RBM33: variants seen among roughly 807,000 people sequenced by gnomAD.
The protein encoded by RBM33 is RNA binding motif protein 33.
RBM33 carries 28 observed loss-of-function variants against 132.6 expected under a neutral mutation model. The ratio of observed to expected loss-of-function variants is 0.21; its 90% CI spans 0.16 to 0.29. The LOEUF (loss-of-function observed/expected upper bound fraction) is 0.29. Among genes scored for constraint, RBM33 ranks in the 10% least tolerant of loss-of-function variants. The pLI, the probability that RBM33 is intolerant of heterozygous loss-of-function variation, is 1.00. For missense variants in RBM33, 1,291 were observed against 1,518.5 expected (o/e 0.85, Z 2.49); for synonymous variants, 634 against 593.0 (o/e 1.07, Z -1.01).
intron 8 of RBM33, among the ~76,000 whole-genome samples, chr7:155,711,835 A>T (rs1207515348): frequency 2.0e-5 from 3 of 152,200 alleles, no homozygotes; most frequent in South Asian, 4.1e-4. Flanking sequence ...ACCCCATCCT[A>T]TGTTGAGGAG....
At position 155,780,838 on chromosome 7, in the gene RBM33, C is replaced by T. The variant is rs1283448453; in HGVS notation, c.*5797C>T. ...GGTCTTCACTCACGATTTATTCCTC[C>T]AGGTCTTTGATTGGAGAGAGTAACT... is the stretch of plus-strand genomic sequence containing the variant. On this transcript the variant is annotated 3_prime_UTR_variant, in exon 18 of 18. Transcript: ENST00000401878. 1 of 152,686 alleles carries T rather than the reference C, an allele frequency of 6.5e-6. No homozygotes were observed. The highest frequency in any genetic ancestry group is 1.5e-5 in the Non-Finnish European group (1 of 68,072). 9.5% of individuals were successfully genotyped at this position (152,686 alleles called of 1,614,324 possible).
At position 155,753,743 on chromosome 7, in the gene RBM33, C is replaced by G. The variant is rs143191037; in HGVS notation, c.2979+8141C>G. Among the ~76,000 whole-genome samples the G allele has an allele frequency of 4.3e-3, 658 of 152,274 alleles. 6 individuals carry two copies. Among genetic ancestry groups the G allele is most frequent in the African/African-American group, 0.015 (625 of 41,534 alleles). On this transcript the variant is annotated intron_variant, in intron 14 of 17. Transcript: ENST00000401878. ...GTGGGGGCCACGAGAGATGCACATT[C>G]AGGTGCTTGGGGCAGGGGAGGAGCG...
intron 1 of RBM33, among the ~76,000 whole-genome samples, chr7:155,650,187 C>G (rs1203348534): frequency 6.6e-6 from 1 of 152,160 alleles, no homozygotes; most frequent in Non-Finnish European, 1.5e-5. Flanking sequence ...CGCTCTAGCT[C>G]TGAGAGAGTT....
chr7:155,740,659 A>C (rs1801301595), intron 12 of RBM33, among the ~76,000 whole-genome samples: 1 of 152,254 alleles, frequency 6.6e-6, no homozygotes, highest in African/African-American at 2.4e-5. Flanking sequence ...TTGCTCTGAA[A>C]ATAAAAGGCC....
At chr7:155,720,462 C>T (rs578038706) in intron 9 of RBM33, among the ~76,000 whole-genome samples, 23 of 152,250 alleles carry the variant, frequency 1.5e-4, no homozygotes, top group Admixed American at 5.9e-4. Flanking sequence ...GGCTACCTCT[C>T]GTTGTTTTAC....
At chr7:155,753,777 C>T (rs1037852264) in intron 14 of RBM33, among the ~76,000 whole-genome samples, 5 of 152,162 alleles carry the variant, frequency 3.3e-5, no homozygotes, top group Admixed American at 6.5e-5. Context: ...CGTGGAGGCG[C>T]GGGGCAGGCA....
At chr7:155,731,403 A>G (rs1462240120) in intron 9 of RBM33, among the ~76,000 whole-genome samples, 1 of 152,232 alleles carries the variant, frequency 6.6e-6, no homozygotes, top group East Asian at 1.9e-4. Context: ...AGAGATGAAC[A>G]GCAATAGCTA....
intron 9 of RBM33, among the ~76,000 whole-genome samples, chr7:155,735,400 G>A (rs1801085215): frequency 6.6e-6 from 1 of 152,192 alleles, no homozygotes; most frequent in African/African-American, 2.4e-5. Context: ...GCAAAGTAAA[G>A]ATATTAAATA....
At chr7:155,701,763 C>G (rs1038382315) in intron 6 of RBM33, among the ~76,000 whole-genome samples, 2 of 152,170 alleles carry the variant, frequency 1.3e-5, no homozygotes, top group Non-Finnish European at 2.9e-5. Context: ...TCTTGGCTCA[C>G]AGCAACCACC....
chr7:155,690,355 A>G lies in RBM33; in HGVS notation c.567+9447A>G, dbSNP rs191869750. Among the ~76,000 whole-genome samples, 23 of 152,164 alleles carry G rather than the reference A, an allele frequency of 1.5e-4. 1 individual carries two copies. The highest frequency in any genetic ancestry group is 1.2e-3 in the Admixed American group (19 of 15,278). On this transcript the variant is annotated intron_variant, in intron 5 of 17. Transcript: ENST00000401878. ...TCCTCCATCCCTTTATTTTGAGCCTATATGTGTCTCTGCACGTGAGATGGG... is the reference window on the plus strand; with the variant it reads ...TCCTCCATCCCTTTATTTTGAGCCTGTATGTGTCTCTGCACGTGAGATGGG...
At chr7:155,658,985 C>T (rs971755748) in intron 1 of RBM33, among the ~76,000 whole-genome samples, 1 of 152,188 alleles carries the variant, frequency 6.6e-6, no homozygotes, top group Non-Finnish European at 1.5e-5. Context: ...TCTACCAGGT[C>T]GCTGGTTGAT....
At position 155,707,079 on chromosome 7, in the gene RBM33, AT is replaced by A; in HGVS notation, c.948+15del. On this transcript the variant is annotated intron_variant, in intron 7 of 17. Transcript: ENST00000401878. ...CAGCCTCCTGTCGTGGTAACTTCAG[AT>A]TTTCTTGTAGTAGCCCTAGAACTTC... 1.3e-6 allele frequency: 2 copies of A among 1,532,110 alleles called. No individual in the cohort carries two copies. Among genetic ancestry groups the A allele is most frequent in the South Asian group, 2.4e-5 (2 of 82,598 alleles). The allele number at this position is 1,532,110 out of a possible 1,614,324, so 94.9% of individuals were successfully genotyped here.
chr7:155,655,534 C>CTT (rs756948005), intron 1 of RBM33, among the ~76,000 whole-genome samples: 25,672 of 80,040 alleles, frequency 0.32, 5,172 homozygotes, highest in Middle Eastern at 0.35. Context: ...GGCTGTTTGC[C>CTT]TTTTTTTTTT....
intron 14 of RBM33, among the ~76,000 whole-genome samples, chr7:155,752,253 T>C (rs953734552): frequency 2.6e-5 from 4 of 152,000 alleles, no homozygotes; most frequent in African/African-American, 7.3e-5. Flanking sequence ...TGGGAGCCAG[T>C]TGTGCCCACT....
At chr7:155,694,630 C>T (rs1277667182) in intron 5 of RBM33, among the ~76,000 whole-genome samples, 1 of 152,160 alleles carries the variant, frequency 6.6e-6, no homozygotes, top group Non-Finnish European at 1.5e-5. Context: ...ATTTCTATAC[C>T]TAGATTGGCA....
intron 1 of RBM33, among the ~76,000 whole-genome samples, chr7:155,659,577 CAG>C (rs1302595408): frequency 6.6e-6 from 1 of 151,956 alleles, no homozygotes; most frequent in Admixed American, 6.6e-5. Context: ...TAAAAATGAA[CAG>C]AGTCTAAAGG....
chr7:155,673,241 C>G (rs1029445183), intron 3 of RBM33, among the ~76,000 whole-genome samples: 1 of 151,994 alleles, frequency 6.6e-6, no homozygotes, highest in Non-Finnish European at 1.5e-5. Flanking sequence ...ATTTTGCATA[C>G]TTGTTCTGGA....
chr7:155,657,460 G>A (rs143415583), intron 1 of RBM33, among the ~76,000 whole-genome samples: 1 of 152,176 alleles, frequency 6.6e-6, no homozygotes, highest in Non-Finnish European at 1.5e-5. Context: ...AGCTAGCCTG[G>A]CAAAAAGATG....
chr7:155,757,401 C>G (rs751926658), intron 14 of RBM33, among the ~76,000 whole-genome samples: 2 of 152,092 alleles, frequency 1.3e-5, no homozygotes, highest in Non-Finnish European at 2.9e-5. Flanking sequence ...ATGAAACAAC[C>G]TTTTACTTAT....
Sources: gnomAD v4.1 joint callset for allele counts (sites outside exome capture counted in the v4.1 genomes callset) on GRCh38, gnomAD v4.1.1 for gene constraint, MANE v1.5 for transcripts, NCBI Gene and HGNC (gene_info 2026-07-23, HGNC 2026-07-21) for gene names.